LIPA: variants seen among roughly 807,000 people sequenced by gnomAD.
The protein encoded by LIPA is lysosomal acid lipase/cholesteryl ester hydrolase.
A neutral mutation model predicts 40.6 loss-of-function variants in LIPA; 26 were observed. The ratio of observed to expected loss-of-function variants is 0.64; its 90% CI spans 0.47 to 0.89. LIPA has a LOEUF of 0.89. Among genes scored for constraint, LIPA ranks in the 40% least tolerant of loss-of-function variants. The pLI, the probability that LIPA is intolerant of heterozygous loss-of-function variation, is 0.00. For missense variants in LIPA, 455 were observed against 479.6 expected (o/e 0.95, Z 0.48); for synonymous variants, 188 against 168.4 (o/e 1.12, Z -0.90).
chr10:89,316,903 C>T (rs1479739627), intron 1 of LIPA, among the ~76,000 whole-genome samples: 5 of 152,104 alleles, frequency 3.3e-5, no homozygotes, highest in African/African-American at 2.4e-5. Context: ...CAGGCAGCAA[C>T]ATTTGCCTTT....
chr10:89,222,704 T>C, intron 7 of LIPA, 122 bp from the exon 8 acceptor site: 3 of 725,938 alleles, frequency 4.1e-6, no homozygotes, highest in Non-Finnish European at 7.4e-6. Flanking sequence ...GTATGTGAGA[T>C]GAGAGGTAGA....
chr10:89,260,258 A>T (rs1843200581), intron 1 of LIPA, among the ~76,000 whole-genome samples: 1 of 152,222 alleles, frequency 6.6e-6, no homozygotes, highest in Admixed American at 6.5e-5. Context: ...AATGCCAAAG[A>T]TCCAGCTCTT....
chr10:89,304,269 G>A (rs560556459), intron 1 of LIPA, among the ~76,000 whole-genome samples: 5 of 143,520 alleles, frequency 3.5e-5, no homozygotes, highest in Admixed American at 2.0e-4. Context: ...CCCCAGGTGC[G>A]GGAGCCCCGG....
At chr10:89,393,166 CCT>C in intron 2 of LIPA, 1 of 1,290,786 alleles carries the variant, frequency 7.7e-7, no homozygotes, top group Non-Finnish European at 1.0e-6. Context: ...AGTCTTGCAG[CCT>C]CTCTGATGTC....
At chr10:89,312,599 G>A (rs1843522317) in intron 1 of LIPA, among the ~76,000 whole-genome samples, 1 of 151,890 alleles carries the variant, frequency 6.6e-6, no homozygotes, top group African/African-American at 2.4e-5. Flanking sequence ...ACGAGGTCAG[G>A]AGATCGAGAC....
chr10:89,309,285 C>A (rs898663758), intron 1 of LIPA: 5 of 152,202 alleles, frequency 3.3e-5, no homozygotes, highest in African/African-American at 1.2e-4. Context: ...TATGCCCCAT[C>A]CTGGACGCAA....
At chr10:89,306,679 G>A (rs765899784) in intron 1 of LIPA, 4 of 1,614,030 alleles carry the variant, frequency 2.5e-6, no homozygotes, top group Non-Finnish European at 3.4e-6. Context: ...AAGCCTTGGA[G>A]AAAGCCCCAG....
At chr10:89,408,802 G>T (rs1343163663) in intron 2 of LIPA, among the ~76,000 whole-genome samples, 1 of 152,212 alleles carries the variant, frequency 6.6e-6, no homozygotes, top group African/African-American at 2.4e-5. Flanking sequence ...CAGCCTGAGA[G>T]TTTGGAGATA....
At chr10:89,396,250 C>A (rs1844340886) in intron 2 of LIPA, among the ~76,000 whole-genome samples, 1 of 152,184 alleles carries the variant, frequency 6.6e-6, no homozygotes, top group Non-Finnish European at 1.5e-5. Flanking sequence ...TCTCCACATC[C>A]TTATTGCCTT....
Position 89,226,863 on chromosome 10 carries a change from A to G in LIPA, c.538+32T>C, listed in dbSNP as rs370160222. ...GTACAAACTCTGTAATGAAGAATTT[A>G]TATCAACTTCTGATCTTATTTACAT... On this transcript the variant is annotated intron_variant, in intron 5 of 9. Coordinates refer to ENST00000336233, the MANE Select transcript of LIPA (RefSeq NM_000235.4). The G allele has an allele frequency of 6.3e-5, 78 of 1,229,756 alleles. 1 individual carries two copies. The highest frequency in any genetic ancestry group is 2.5e-4 in the Middle Eastern group (1 of 4,072). 76.2% of individuals were successfully genotyped at this position (1,229,756 alleles called of 1,614,324 possible). A position where few individuals can be genotyped will look rare whatever the true frequency, so the allele number is the denominator to read the frequency against.
upstream of LIPA, among the ~76,000 whole-genome samples, chr10:89,345,898 G>A (rs1421535514): frequency 6.6e-6 from 1 of 152,132 alleles, no homozygotes; most frequent in African/African-American, 2.4e-5. Flanking sequence ...AAGAGACAAT[G>A]ACCGAAATTT....
At chr10:89,384,722 T>C (rs1430489759) in intron 2 of LIPA, 11 of 1,609,226 alleles carry the variant, frequency 6.8e-6, no homozygotes, top group African/African-American at 2.7e-5. Flanking sequence ...GCTGCTGACC[T>C]GAACCCTATA....
chr10:89,217,519 C>A (rs1468804953), intron 8 of LIPA, among the ~76,000 whole-genome samples: 1 of 152,226 alleles, frequency 6.6e-6, no homozygotes, highest in Non-Finnish European at 1.5e-5. Flanking sequence ...TGTCCTTCAG[C>A]ATTCATATGA....
At position 89,338,793 on chromosome 10, in the gene LIPA, C is replaced by T. The variant is rs570458698; in HGVS notation, c.-2+3818G>A. On this transcript the variant is annotated intron_variant, in intron 1 of 5. Coordinates refer to the LIPA transcript ENST00000282673. ...TGTGTAACCAGATTGAATTTTTAAA[C>T]ACTGAGTTCAAAGCTACAATGTACA... The T allele has an allele frequency of 6.8e-6, 11 of 1,614,090 alleles. No individual in the cohort carries two copies. The East Asian group carries it at 1.6e-4, about 23-fold the overall frequency.
At position 89,403,059 on chromosome 10, in the gene LIPA, C is replaced by T. The variant is rs141413405; in HGVS notation, c.61+9732G>A. 754 of 1,614,144 alleles carry T rather than the reference C, an allele frequency of 4.7e-4. 1 individual carries two copies. The highest frequency in any genetic ancestry group is 5.6e-4 in the Non-Finnish European group (663 of 1,180,018). On this transcript the variant is annotated intron_variant, in intron 2 of 8. Transcript: ENST00000371837. ...CTTTCGATATGCAGCCAAGTTTTAC[C>T]GAAGAAAAGGCTCTGTGGATAAAGC...
intron 2 of LIPA, among the ~76,000 whole-genome samples, chr10:89,348,546 A>G (rs182581308): frequency 1.3e-5 from 2 of 152,336 alleles, no homozygotes; most frequent in Admixed American, 6.5e-5. Context: ...CCAAACACCC[A>G]CAGTGGGGTT....
At chr10:89,229,661 G>A (rs761311852) in intron 3 of LIPA, among the ~76,000 whole-genome samples, 1 of 151,426 alleles carries the variant, frequency 6.6e-6, no homozygotes, top group African/African-American at 2.4e-5. Flanking sequence ...GCTGAGGCAG[G>A]AGAATTGCTT....
chr10:89,361,482 T>G (rs2133592069), intron 2 of LIPA, among the ~76,000 whole-genome samples: 1 of 152,332 alleles, frequency 6.6e-6, no homozygotes, highest in African/African-American at 2.4e-5. Context: ...GAGCTTCTCC[T>G]TGCCCCAGGT....
At chr10:89,307,494 C>A in intron 1 of LIPA, 1 of 796,298 alleles carries the variant, frequency 1.3e-6, no homozygotes, top group Non-Finnish European at 2.0e-6. Context: ...AAGACACTGG[C>A]CATACCACTG....
Sources: allele counts gnomAD v4.1 joint callset (sites outside exome capture counted in the v4.1 genomes callset), GRCh38; gene constraint gnomAD v4.1.1; transcripts MANE v1.5; gene names NCBI Gene and HGNC (gene_info 2026-07-23, HGNC 2026-07-21).